Variants in KIF16B observed in about 807,000 individuals in gnomAD.
KIF16B encodes the protein kinesin-like protein KIF16B.
In KIF16B, 98 loss-of-function variants were observed where a neutral mutation model predicts 156.3. That is an observed-to-expected ratio of 0.63 (90% CI 0.53 to 0.74). KIF16B has a LOEUF of 0.74. Ranked by LOEUF, KIF16B falls within the 30% of genes least tolerant of loss-of-function variation. The pLI is 0.00. For missense variants in KIF16B, 1,421 were observed against 1,606.5 expected, an observed-to-expected ratio of 0.88 and a Z score of 1.97; for synonymous variants, 564 against 583.7, an observed-to-expected ratio of 0.97 and a Z score of 0.49.
chr20:16,458,190 G>T (rs958840670), intron 12 of KIF16B, among the ~76,000 whole-genome samples: 6 of 152,198 alleles, frequency 3.9e-5, no homozygotes, highest in Non-Finnish European at 1.5e-5. Context: ...GAAAGAAAAT[G>T]ACAGATGCCA....
At chr20:16,419,015 G>A (rs79832525) in intron 15 of KIF16B, among the ~76,000 whole-genome samples, 1 of 151,854 alleles carries the variant, frequency 6.6e-6, no homozygotes, top group Non-Finnish European at 1.5e-5. Context: ...CAGAATCACA[G>A]ACATAAAAAA....
chr20:16,426,787 A>G (rs2066364374), intron 15 of KIF16B, among the ~76,000 whole-genome samples: 1 of 152,154 alleles, frequency 6.6e-6, no homozygotes, highest in African/African-American at 2.4e-5. Context: ...AAAATTATTA[A>G]AAGAAACCAT....
intron 24 of KIF16B, among the ~76,000 whole-genome samples, chr20:16,333,058 TAC>T (rs1476034904): frequency 6.6e-6 from 1 of 152,158 alleles, no homozygotes; most frequent in Non-Finnish European, 1.5e-5. Context: ...GCACTAGGAA[TAC>T]AGTTCAAGGC....
chr20:16,506,220 G>A, intron 7 of KIF16B, 30 bp from the exon 8 acceptor site: 1 of 1,583,890 alleles, frequency 6.3e-7, no homozygotes, highest in Non-Finnish European at 8.7e-7. Context: ...TAAAATTGAA[G>A]AGGTGCAAAG....
intron 1 of KIF16B, among the ~76,000 whole-genome samples, chr20:16,544,649 C>G (rs561634440): frequency 2.7e-5 from 4 of 147,214 alleles, no homozygotes; most frequent in East Asian, 2.0e-4. Context: ...TTCCAGGAAG[C>G]CTTCTCAGAC....
At chr20:16,528,289 G>C in intron 2 of KIF16B, 82 bp downstream of exon 2, 1 of 1,053,468 alleles carries the variant, frequency 9.5e-7, no homozygotes, top group South Asian at 1.3e-5. Flanking sequence ...CAGCAGACAG[G>C]CTTTATTTAC....
intron 1 of KIF16B, among the ~76,000 whole-genome samples, chr20:16,557,994 A>G (rs1045460032): frequency 2.0e-5 from 3 of 152,188 alleles, no homozygotes; most frequent in African/African-American, 2.4e-5. Flanking sequence ...CCAAATTTTG[A>G]TAAGTGCTGT....
rs1185580765 is a variant in KIF16B, at chr20:16,371,741, T to C, written c.3371A>G (p.Glu1124Gly). 1.2e-6 allele frequency: 2 copies of C among 1,613,356 alleles called. No homozygotes were observed. Among genetic ancestry groups the C allele is most frequent in the African/African-American group, 1.3e-5 (1 of 74,918 alleles). Residue 1124 changes from glutamate (E) to glycine (G), a missense_variant, in exon 21 of 26, where the codon GAA becomes GGA. Coordinates refer to ENST00000354981, the MANE Select transcript of KIF16B (RefSeq NM_024704.5). ...ATCCTGAAGGCGTCTTTGGACTTCT[T>C]CTTCAATGTAAGCATTGATCCTGTA... ...MDARINAYIE[E>G]EVQRRLQDLH...
intron 12 of KIF16B, among the ~76,000 whole-genome samples, chr20:16,475,752 G>A (rs2067792048): frequency 6.6e-6 from 1 of 152,166 alleles, no homozygotes; most frequent in Admixed American, 6.5e-5. Flanking sequence ...GCAAATACAA[G>A]TAAATGACAC....
chr20:16,315,105 A>G (rs1311913150), intron 24 of KIF16B, among the ~76,000 whole-genome samples: 2 of 152,160 alleles, frequency 1.3e-5, no homozygotes, highest in Non-Finnish European at 2.9e-5. Context: ...GTCGTGCAAT[A>G]AAAGGACTTT....
intron 12 of KIF16B, among the ~76,000 whole-genome samples, chr20:16,463,749 T>C (rs1240768455): frequency 1.3e-5 from 2 of 152,204 alleles, no homozygotes; most frequent in African/African-American, 4.8e-5. Flanking sequence ...ATTATTCTAA[T>C]GACTGGATAA....
intron 25 of KIF16B, among the ~76,000 whole-genome samples, chr20:16,274,549 T>C (rs2063032586): frequency 6.6e-6 from 1 of 152,266 alleles, no homozygotes; most frequent in Non-Finnish European, 1.5e-5. Context: ...ATTGTCTCAG[T>C]GTGCTTAAAA....
chr20:16,527,588 T>C (rs2147150035), intron 2 of KIF16B, among the ~76,000 whole-genome samples: 1 of 152,300 alleles, frequency 6.6e-6, no homozygotes, highest in Non-Finnish European at 1.5e-5. Flanking sequence ...TTTTTGTTTG[T>C]TTGTTTGAGA....
At chr20:16,318,663 GAATA>G (rs1297223090) in intron 24 of KIF16B, among the ~76,000 whole-genome samples, 1 of 152,154 alleles carries the variant, frequency 6.6e-6, no homozygotes, top group African/African-American at 2.4e-5. Flanking sequence ...TAGAATAACT[GAATA>G]AATAAATAAA....
intron 24 of KIF16B, among the ~76,000 whole-genome samples, chr20:16,318,508 G>A (rs977627647): frequency 3.3e-5 from 5 of 152,196 alleles, no homozygotes; most frequent in Non-Finnish European, 5.9e-5. Context: ...AACCTATGGC[G>A]CCAGAAAGCA....
intron 12 of KIF16B, among the ~76,000 whole-genome samples, chr20:16,443,405 C>G (rs2066854115): frequency 6.6e-6 from 1 of 152,164 alleles, no homozygotes; most frequent in Non-Finnish European, 1.5e-5. Flanking sequence ...AAATTGTCCT[C>G]TATGAACCCA....
At chr20:16,293,288 C>T (rs6111022) in intron 25 of KIF16B, among the ~76,000 whole-genome samples, 66,817 of 151,958 alleles carry the variant, frequency 0.44, 15,818 homozygotes, top group East Asian at 0.93. Context: ...ATAAAGGCTG[C>T]TCTATGGGTT....
At chr20:16,437,402 G>C (rs1261935851) in intron 12 of KIF16B, among the ~76,000 whole-genome samples, 1 of 152,136 alleles carries the variant, frequency 6.6e-6, no homozygotes, top group Non-Finnish European at 1.5e-5. Context: ...TCAGAGACTG[G>C]GAAGGCATTG....
chr20:16,562,843 T>C (rs889675871), intron 1 of KIF16B, among the ~76,000 whole-genome samples: 3 of 152,192 alleles, frequency 2.0e-5, no homozygotes, highest in Non-Finnish European at 4.4e-5. Context: ...TGATCCTTCT[T>C]TGAGACTCAG....
Sources: allele counts gnomAD v4.1 joint callset (sites outside exome capture counted in the v4.1 genomes callset), GRCh38; gene constraint gnomAD v4.1.1; transcripts MANE v1.5; gene names NCBI Gene and HGNC (gene_info 2026-07-23, HGNC 2026-07-21).